Variants in PUM2 observed in about 807,000 individuals in gnomAD.
PUM2 encodes the protein pumilio RNA binding family member 2, also known as pumilio homolog 2.
In PUM2, 57 loss-of-function variants were observed where a neutral mutation model predicts 124.5. That is an observed-to-expected ratio of 0.46 (90% CI 0.37 to 0.57). The LOEUF (loss-of-function observed/expected upper bound fraction) is 0.57, where lower values mean the gene tolerates loss of function less well. Among genes scored for constraint, PUM2 ranks in the 20% least tolerant of loss-of-function variants. PUM2 has a pLI of 0.00. For missense variants in PUM2, 1,065 were observed against 1,290.6 expected, an observed-to-expected ratio of 0.83 and a Z score of 2.68; for synonymous variants, 460 against 446.1, an observed-to-expected ratio of 1.03 and a Z score of -0.39.
chr2:20,265,792 T>C (rs1160384023), intron 13 of PUM2, among the ~76,000 whole-genome samples: 2 of 152,188 alleles, frequency 1.3e-5, no homozygotes, highest in Non-Finnish European at 2.9e-5. Context: ...TTCACACAAA[T>C]TTCTTAGTAG....
chr2:20,280,103 T>A (rs1671148597), intron 12 of PUM2, among the ~76,000 whole-genome samples: 2 of 152,122 alleles, frequency 1.3e-5, no homozygotes, highest in South Asian at 4.1e-4. Context: ...GGAGAGTACA[T>A]CATGGGTAGA....
At chr2:20,279,008 A>G (rs1670903864) in intron 12 of PUM2, among the ~76,000 whole-genome samples, 189 bp from the exon 13 acceptor site, 1 of 152,174 alleles carries the variant, frequency 6.6e-6, no homozygotes, top group African/African-American at 2.4e-5. Flanking sequence ...ATGCACCCCA[A>G]TAAAGAACCA....
chr2:20,351,730 C>T (rs1435528904), upstream of PUM2, among the ~76,000 whole-genome samples: 2 of 152,196 alleles, frequency 1.3e-5, no homozygotes, highest in Admixed American at 6.5e-5. Flanking sequence ...GTTTGCACAG[C>T]TCCTGGCTCT....
intron 10 of PUM2, among the ~76,000 whole-genome samples, chr2:20,289,477 C>T (rs1037412525): frequency 6.6e-6 from 1 of 152,120 alleles, no homozygotes; most frequent in Non-Finnish European, 1.5e-5. Flanking sequence ...CTGCTTTTGC[C>T]AAGGTCTCTA....
chr2:20,296,443 C>G (rs1168680282), intron 8 of PUM2, among the ~76,000 whole-genome samples: 1 of 151,190 alleles, frequency 6.6e-6, no homozygotes, highest in Non-Finnish European at 1.5e-5. Context: ...TGCAGTGAGC[C>G]GAGATCGTGC....
At chr2:20,326,998 A>G (rs1683842271) in intron 2 of PUM2, among the ~76,000 whole-genome samples, 7 of 152,238 alleles carry the variant, frequency 4.6e-5, no homozygotes. Context: ...TATATAAAAC[A>G]GCAGAACAAG....
intron 15 of PUM2, among the ~76,000 whole-genome samples, chr2:20,259,223 A>G (rs958282442): frequency 2.0e-5 from 3 of 152,250 alleles, no homozygotes; most frequent in Admixed American, 6.5e-5. Flanking sequence ...ATATTTTCAA[A>G]TATGAATCAG....
chr2:20,287,349 G>A (rs1672981816), intron 10 of PUM2, among the ~76,000 whole-genome samples: 1 of 152,176 alleles, frequency 6.6e-6, no homozygotes, highest in South Asian at 2.1e-4. Flanking sequence ...ATCAATGAAT[G>A]AGCACTGGGA....
intron 1 of PUM2, among the ~76,000 whole-genome samples, chr2:20,332,790 T>A (rs1162490181): frequency 6.6e-6 from 1 of 152,206 alleles, no homozygotes; most frequent in Non-Finnish European, 1.5e-5. Flanking sequence ...TAACAAGCAA[T>A]AGGACCTACT....
chr2:20,319,509 TCA>T (rs905710669), intron 2 of PUM2, among the ~76,000 whole-genome samples: 7 of 152,242 alleles, frequency 4.6e-5, no homozygotes, highest in Non-Finnish European at 1.0e-4. Context: ...ATTAAACTTA[TCA>T]CACTCAATTA....
At chr2:20,315,846 A>AC (rs2148671733) in intron 3 of PUM2, among the ~76,000 whole-genome samples, 1 of 151,376 alleles carries the variant, frequency 6.6e-6, no homozygotes, top group African/African-American at 2.4e-5. Context: ...CAAAAAAAAA[A>AC]AAAAAAAAAA....
rs2148953752 is a variant in PUM2 at position 20,287,005 on chromosome 2, CGT to C, written c.1292-3521_1292-3520del. Among the ~76,000 whole-genome samples, 2 of 151,678 alleles carry C rather than the reference CGT, an allele frequency of 1.3e-5. 1 individual carries two copies. Among genetic ancestry groups the C allele is most frequent in the South Asian group, 4.2e-4 (2 of 4,810 alleles). On this transcript the variant is annotated intron_variant, in intron 10 of 20. Transcript: ENST00000361078. ...GAGTGGGAAAAGGAAAAAAAAACGA[CGT>C]AGGGAAGAATGAAGACAAGACATGG...
In PUM2 at chr2:20,260,509, A is replaced by G. The variant is rs754308483; in HGVS notation, c.2226-43T>C. The G allele has an allele frequency of 4.6e-6, 7 of 1,531,764 alleles. No individual in the cohort carries two copies. In the East Asian group the frequency reaches 1.4e-4, roughly 30 times the overall value. 94.9% of individuals were successfully genotyped at this position (1,531,764 alleles called of 1,614,324 possible). ...TTAATATGACAATATGTTTTTTAAT[A>G]CACTTGAGTATTACACCCTACCCTT... On this transcript the variant is annotated intron_variant, in intron 14 of 20. Coordinates refer to ENST00000361078, the MANE Select transcript of PUM2 (RefSeq NM_015317.5).
At position 20,256,102 on chromosome 2, in the gene PUM2, A is replaced by T; in HGVS notation, c.2553T>A (p.Val851=). The T allele has an allele frequency of 1.9e-6, 3 of 1,602,926 alleles. No individual in the cohort carries two copies. ...KCVKDQNGNH[V]VQKCIECVQP... ...GAACACATTCGATACATTTTTGTAC[A>T]ACATGGTTTCCATTCTGATCTTTCA... The change falls in exon 17 of 21, where the codon GTT becomes GTA. Residue 851 remains valine (V), a synonymous_variant. Transcript: ENST00000361078.
intron 7 of PUM2, among the ~76,000 whole-genome samples, chr2:20,300,643 A>C (rs550118291): frequency 2.0e-5 from 3 of 152,344 alleles, no homozygotes; most frequent in Admixed American, 6.5e-5. Flanking sequence ...CAAAAAGGTT[A>C]CAAGATTCCA....
At chr2:20,301,443 C>A (rs567012067) in intron 7 of PUM2, among the ~76,000 whole-genome samples, 2 of 152,208 alleles carry the variant, frequency 1.3e-5, no homozygotes, top group Admixed American at 6.5e-5. Context: ...AAGTGAAAAT[C>A]CTCATGTAAC....
At chr2:20,270,734 G>A (rs1277960556) in intron 13 of PUM2, among the ~76,000 whole-genome samples, 5 of 152,106 alleles carry the variant, frequency 3.3e-5, no homozygotes, top group East Asian at 1.9e-4. Context: ...AAAAGGAAGT[G>A]TCCTTACTCA....
At chr2:20,294,995 TG>T (rs1675174199) in intron 8 of PUM2, among the ~76,000 whole-genome samples, 1 of 152,192 alleles carries the variant, frequency 6.6e-6, no homozygotes, top group Admixed American at 6.5e-5. Flanking sequence ...GTATTTGAGT[TG>T]AAAACCTTAA....
chr2:20,324,790 C>T (rs1683276139), intron 2 of PUM2, among the ~76,000 whole-genome samples: 1 of 152,044 alleles, frequency 6.6e-6, no homozygotes, highest in Non-Finnish European at 1.5e-5. Flanking sequence ...TCATGATCTA[C>T]AAAACACAGT....
Sources: gnomAD v4.1 joint callset for allele counts (sites outside exome capture counted in the v4.1 genomes callset) on GRCh38, gnomAD v4.1.1 for gene constraint, MANE v1.5 for transcripts, NCBI Gene and HGNC (gene_info 2026-07-23, HGNC 2026-07-21) for gene names.